SLC15A2: variants seen among roughly 807,000 people sequenced by gnomAD.
SLC15A2 encodes the protein kidney H(+)/peptide cotransporter.
SLC15A2 carries 77 observed loss-of-function variants against 95.5 expected under a neutral mutation model. The ratio of observed to expected loss-of-function variants is 0.81; its 90% CI spans 0.67 to 0.97. SLC15A2 has a LOEUF of 0.97. Ranked by LOEUF, SLC15A2 falls within the 50% of genes least tolerant of loss-of-function variation. The pLI is 0.00. For synonymous variants in SLC15A2, 306 were observed against 306.9 expected (o/e 1.00, Z 0.03); for missense variants, 893 against 874.4 (o/e 1.02, Z -0.27).
chr3:121,924,411 AC>A, intron 12 of SLC15A2, 28 bp downstream of exon 12: 1 of 1,604,912 alleles, frequency 6.2e-7, no homozygotes, highest in Non-Finnish European at 8.5e-7. Flanking sequence ...AGCCATGGGG[AC>A]TTATTTGTTT....
At chr3:121,903,493 G>T (rs1171734817) in intron 3 of SLC15A2, among the ~76,000 whole-genome samples, 10 of 152,226 alleles carry the variant, frequency 6.6e-5, no homozygotes, top group South Asian at 4.2e-4. Context: ...GGTCTAACAT[G>T]TAAGTCTTTA....
At chr3:121,899,452 C>A (rs995221471) in intron 3 of SLC15A2, among the ~76,000 whole-genome samples, 2 of 152,112 alleles carry the variant, frequency 1.3e-5, no homozygotes, top group Non-Finnish European at 2.9e-5. Context: ...CAACTAGAAG[C>A]AGGAGCAAAT....
intron 7 of SLC15A2, among the ~76,000 whole-genome samples, chr3:121,917,278 G>A (rs1709914673): frequency 6.6e-6 from 1 of 152,184 alleles, no homozygotes; most frequent in South Asian, 2.1e-4. Flanking sequence ...GGGAAAGGAA[G>A]ACAAACAAAT....
intron 20 of SLC15A2, 77 bp downstream of exon 20, chr3:121,939,572 A>C: frequency 7.8e-7 from 1 of 1,281,760 alleles, no homozygotes; most frequent in African/African-American, 1.5e-5. Flanking sequence ...GCACTGACTT[A>C]AATAGGTATG....
intron 3 of SLC15A2, among the ~76,000 whole-genome samples, chr3:121,907,695 A>T (rs1425618482): frequency 6.6e-6 from 1 of 152,250 alleles, no homozygotes; most frequent in Non-Finnish European, 1.5e-5. Flanking sequence ...GCTGCAGAAC[A>T]GCAAATATTG....
chr3:121,929,208 A>T (rs1247893399), intron 16 of SLC15A2, 62 bp downstream of exon 16: 10 of 1,602,802 alleles, frequency 6.2e-6, no homozygotes, highest in Non-Finnish European at 8.5e-6. Context: ...CTGTCTCATC[A>T]ACATCTTACC....
At chr3:121,923,179 T>G (rs1710042999) in intron 10 of SLC15A2, 43 bp from the exon 11 acceptor site, 1 of 1,613,676 alleles carries the variant, frequency 6.2e-7, no homozygotes, top group East Asian at 2.2e-5. Context: ...CACTTCCCTC[T>G]CACAGGAAAG....
chr3:121,906,179 T>C (rs1446405078), intron 3 of SLC15A2, among the ~76,000 whole-genome samples: 3 of 152,214 alleles, frequency 2.0e-5, no homozygotes, highest in Non-Finnish European at 4.4e-5. Context: ...ACCCCTGCTT[T>C]TTTTTTGCTT....
At chr3:121,928,862 A>G in intron 15 of SLC15A2, 120 bp from the exon 16 acceptor site, 1 of 1,094,834 alleles carries the variant, frequency 9.1e-7, no homozygotes, top group South Asian at 1.7e-5. Flanking sequence ...TAGGTTAAAG[A>G]AAGGAATTAC....
chr3:121,895,755 G>T (rs916269686), intron 1 of SLC15A2, among the ~76,000 whole-genome samples: 1 of 152,116 alleles, frequency 6.6e-6, no homozygotes. Context: ...ATGTCCAGTA[G>T]GATTATCATG....
intron 13 of SLC15A2, among the ~76,000 whole-genome samples, chr3:121,926,572 G>A (rs2107600783): frequency 6.6e-6 from 1 of 152,326 alleles, no homozygotes; most frequent in East Asian, 1.9e-4. Flanking sequence ...GAGAAAGTGT[G>A]GGTGTTCATG....
Position 121,940,496 on chromosome 3 carries a change from T to A in SLC15A2, c.2013+8T>A. ...TTCAGTGGCCTGGTACAGGTATGGA[T>A]CTGAGGGAAGCAGGATTCATTTCTA... On this transcript the variant is annotated splice_region_variant and intron_variant, in intron 21 of 21. Transcript: ENST00000489711. The A allele has an allele frequency of 2.5e-6, 4 of 1,602,414 alleles. 1 individual carries two copies. Among genetic ancestry groups the A allele is most frequent in the Non-Finnish European group, 3.4e-6 (4 of 1,169,674 alleles).
intron 7 of SLC15A2, among the ~76,000 whole-genome samples, chr3:121,915,989 C>G (rs781162471): frequency 2.6e-5 from 4 of 151,990 alleles, no homozygotes; most frequent in Admixed American, 6.6e-5. Context: ...TCGGGTCATT[C>G]TAATGTATAG....
chr3:121,936,509 C>G (rs1035386615), intron 19 of SLC15A2, among the ~76,000 whole-genome samples: 1 of 151,644 alleles, frequency 6.6e-6, no homozygotes, highest in Non-Finnish European at 1.5e-5. Context: ...GATCCCTTTA[C>G]CATTATGTAA....
In SLC15A2 at chr3:121,920,553, T is replaced by G. The variant is rs1050943221; in HGVS notation, c.698-1667T>G. 5.3e-5 allele frequency among the ~76,000 whole-genome samples: 8 copies of G among 152,246 alleles called. No individual in the cohort carries two copies. The East Asian group carries it at 7.7e-4, about 15-fold the overall frequency. On this transcript the variant is annotated intron_variant, in intron 7 of 21. Coordinates refer to ENST00000489711, the MANE Select transcript of SLC15A2 (RefSeq NM_021082.4). ...CCTTGTAATCCATCCGCCTTAGCCT[T>G]CCAAACTGCTAAGTTTACGGGTGTG... is the stretch of plus-strand genomic sequence containing the variant.
chr3:121,911,954 A>G (rs1559844317), intron 4 of SLC15A2, among the ~76,000 whole-genome samples: 2 of 152,164 alleles, frequency 1.3e-5, no homozygotes, highest in Non-Finnish European at 2.9e-5. Flanking sequence ...CCATGCATCT[A>G]TACTTTACCA....
chr3:121,897,657 T>C, intron 3 of SLC15A2, 128 bp downstream of exon 3: 1 of 859,616 alleles, frequency 1.2e-6, no homozygotes. Context: ...TCTCTGTACA[T>C]CTGTGTAGTG....
In SLC15A2 at chr3:121,897,290, A is replaced by T. The variant is rs975723345; in HGVS notation, c.194-98A>T. 4 of 1,465,442 alleles carry T rather than the reference A, an allele frequency of 2.7e-6. No homozygotes were observed. The African/African-American group carries it at 5.6e-5, about 21-fold the overall frequency. 90.8% of individuals were successfully genotyped at this position (1,465,442 alleles called of 1,614,324 possible). On this transcript the variant is annotated intron_variant, in intron 2 of 21. Coordinates refer to ENST00000489711, the MANE Select transcript of SLC15A2 (RefSeq NM_021082.4). ...TAGGAGTGCTGAAGGCCAAAATCACATTATAAAGACCAGAGATTAAATATT... is the reference window on the plus strand; with the variant it reads ...TAGGAGTGCTGAAGGCCAAAATCACTTTATAAAGACCAGAGATTAAATATT...
rs755118174 is a variant in SLC15A2 at position 121,922,781 on chromosome 3, A to G, written c.787A>G (p.Ile263Val). 4.3e-6 allele frequency: 7 copies of G among 1,613,204 alleles called. No homozygotes were observed. The East Asian group carries it at 1.1e-4, about 26-fold the overall frequency. ...AQVFKCIWFA[I>V]SNRFKNRSGD... ...TGTCTACTCTCTGCCCTAGTTTGCT[A>G]TTTCCAATCGTTTCAAGAACCGTTC... Residue 263 changes from isoleucine to valine, a missense_variant, in exon 9 of 22, where the codon ATT (isoleucine) becomes GTT (valine). Physicochemically the swap from Ile to Val is conservative, Grantham distance 29. Transcript: ENST00000489711.
Sources: gnomAD v4.1 joint callset for allele counts (sites outside exome capture counted in the v4.1 genomes callset) on GRCh38, gnomAD v4.1.1 for gene constraint, MANE v1.5 for transcripts, NCBI Gene and HGNC (gene_info 2026-07-23, HGNC 2026-07-21) for gene names.